WNT10A: variants seen among roughly 807,000 people sequenced by gnomAD.
The protein encoded by WNT10A is protein Wnt-10a.
In WNT10A, 37 loss-of-function variants were observed where a neutral mutation model predicts 36.1. The observed-to-expected ratio is 1.02, with a 90% CI of 0.79 to 1.35. The LOEUF (loss-of-function observed/expected upper bound fraction) is 1.35. Ranked by LOEUF, WNT10A falls within the 40% of genes most tolerant of loss-of-function variation. WNT10A has a pLI of 0.00. For missense variants in WNT10A, 613 were observed against 601.4 expected, an observed-to-expected ratio of 1.02 and a Z score of -0.20; for synonymous variants, 255 against 254.1, an observed-to-expected ratio of 1.00 and a Z score of -0.03.
intron 2 of WNT10A, among the ~76,000 whole-genome samples, chr2:218,883,229 C>A (rs1944538189): frequency 6.6e-6 from 1 of 152,112 alleles, no homozygotes; most frequent in South Asian, 2.1e-4. Context: ...GGGGGCCCTG[C>A]CTCTGGGATG....
chr2:218,881,512 G>C (rs987726023), intron 1 of WNT10A, among the ~76,000 whole-genome samples: 1 of 151,754 alleles, frequency 6.6e-6, no homozygotes, highest in African/African-American at 2.4e-5. Context: ...GCCCAGGTGG[G>C]GTCAGTGAGA....
chr2:218,878,393 C>CT (rs1311570722), upstream of WNT10A, among the ~76,000 whole-genome samples: 3 of 152,130 alleles, frequency 2.0e-5, no homozygotes, highest in Admixed American at 1.3e-4. This position sits in a 1 kb window ranked among gnomAD's most constrained non-coding sequence, Gnocchi z 4.1. Flanking sequence ...CCTCCGGAGG[C>CT]TTTTTTGTTT....
chr2:218,879,491 G>T (rs534172263), upstream of WNT10A, among the ~76,000 whole-genome samples: 1 of 152,342 alleles, frequency 6.6e-6, no homozygotes, highest in African/African-American at 2.4e-5. Context: ...CTGCCCTCTG[G>T]CTCTCAGGCC....
chr2:218,874,840 T>C, the WNT10A span, among the ~76,000 whole-genome samples: 3 of 152,214 alleles, frequency 2.0e-5, no homozygotes, highest in South Asian at 6.2e-4. Flanking sequence ...ACAAAGGGAT[T>C]TCGCTCTGTT....
chr2:218,890,176 A>T lies in WNT10A; in HGVS notation c.569A>T (p.His190Leu), dbSNP rs766421951. Residue 190 changes from histidine (H) to leucine (L), a missense_variant, in exon 3 of 4, where the codon CAT becomes CTT. Coordinates refer to ENST00000258411, the MANE Select transcript of WNT10A (RefSeq NM_025216.3). ...CTGCAGCGTGGTAAGGGCCTGAGCC[A>T]TGGGGTCCCGGAACACCCAGCCCTG... ...DALQRGKGLS[H>L]GVPEHPALPT... The T allele has an allele frequency of 6.2e-7, 1 of 1,613,974 alleles. No homozygotes were observed. Among genetic ancestry groups the T allele is most frequent in the Non-Finnish European group, 8.5e-7 (1 of 1,180,006 alleles).
intron 2 of WNT10A, among the ~76,000 whole-genome samples, chr2:218,883,182 T>C (rs1164904608): frequency 2.0e-5 from 3 of 152,176 alleles, no homozygotes; most frequent in African/African-American, 4.8e-5. Context: ...ACCCACCTCC[T>C]GGCCTGGTAT....
intron 1 of WNT10A, among the ~76,000 whole-genome samples, chr2:218,881,758 G>A (rs780822230): frequency 5.3e-5 from 8 of 152,186 alleles, no homozygotes; most frequent in Non-Finnish European, 1.2e-4. Flanking sequence ...GTGTGCTGGG[G>A]TTGGGTTTGT....
intron 1 of WNT10A, among the ~76,000 whole-genome samples, chr2:218,881,570 T>TGTGTGTGTGTG (rs1205089452): frequency 1.8e-3 from 247 of 139,352 alleles, no homozygotes; most frequent in African/African-American, 6.6e-3. Flanking sequence ...GTGTGTGTGT[T>TGTGTGTGTGTG]TTCAATCGAG....
chr2:218,877,935 G>A (rs1233554104), upstream of WNT10A, among the ~76,000 whole-genome samples: 3 of 152,104 alleles, frequency 2.0e-5, no homozygotes, highest in South Asian at 2.1e-4. The surrounding 1 kb of genome is among the most constrained non-coding windows in gnomAD (Gnocchi z 4.1). Context: ...ACTGGGCTAG[G>A]CTGGGGCTGT....
At chr2:218,880,135 A>G (rs1944491975), upstream of WNT10A, among the ~76,000 whole-genome samples, 1 of 152,116 alleles carries the variant, frequency 6.6e-6, no homozygotes, top group African/African-American at 2.4e-5. The surrounding 1 kb of genome is among the most constrained non-coding windows in gnomAD (Gnocchi z 7.7). Context: ...GGCCTGGGGG[A>G]AGTCCCTCCT....
At position 218,881,090 on chromosome 2, in the gene WNT10A, T is replaced by A; in HGVS notation, c.95T>A (p.Leu32Gln). 2 of 1,601,944 alleles carry A rather than the reference T, an allele frequency of 1.2e-6. No homozygotes were observed. Among genetic ancestry groups the A allele is most frequent in the South Asian group, 1.1e-5 (1 of 88,916 alleles). ...LWVLLFFLLL[L>Q]AAAMPRSAPN... ...GTGCTCCTGTTCTTCCTACTGCTGC[T>A]GGCTGCTGCCATGCCCAGGTGAGCC... Residue 32 changes from leucine to glutamine, a missense_variant, in exon 1 of 4, where the codon CTG becomes CAG. Leu to Gln is a moderately radical substitution (Grantham distance 113). Coordinates refer to ENST00000258411, the MANE Select transcript of WNT10A (RefSeq NM_025216.3).
chr2:218,886,567 C>T (rs558072182), intron 2 of WNT10A, among the ~76,000 whole-genome samples: 17 of 152,310 alleles, frequency 1.1e-4, no homozygotes, highest in African/African-American at 3.4e-4. Context: ...TAGATGCTGG[C>T]AGTCCCTGTC....
At position 218,892,875 on chromosome 2, in the gene WNT10A, G is replaced by T; in HGVS notation, c.858G>T (p.Val286=). Residue 286 remains valine, a synonymous_variant, in exon 4 of 4, where the codon GTG becomes GTT. Transcript: ENST00000258411. ...AGGTGACGCCCGAGTTCCGCACCGT[G>T]GGGGCGCTGCTGCGCAGCCGCTTCC... ...CWQVTPEFRT[V]GALLRSRFHR... is the part of the protein sequence containing the mutation. 6.3e-7 allele frequency: 1 copy of T among 1,575,242 alleles called. No individual in the cohort carries two copies. Among genetic ancestry groups the T allele is most frequent in the Admixed American group, 1.8e-5 (1 of 55,650 alleles).
chr2:218,888,570 G>C (rs567471147), intron 2 of WNT10A, among the ~76,000 whole-genome samples: 1 of 152,304 alleles, frequency 6.6e-6, no homozygotes, highest in South Asian at 2.1e-4. Context: ...TCCCTCTAGC[G>C]TACCTCCAAC....
chr2:218,882,101 T>C, intron 1 of WNT10A, 60 bp from the exon 2 acceptor site: 1 of 1,577,484 alleles, frequency 6.3e-7, no homozygotes, highest in Non-Finnish European at 8.6e-7. Flanking sequence ...TGTGTGTTGT[T>C]AGATGGGGCT....
chr2:218,892,323 AC>A (rs1944662243), intron 3 of WNT10A, among the ~76,000 whole-genome samples: 1 of 146,256 alleles, frequency 6.8e-6, no homozygotes, highest in Non-Finnish European at 1.5e-5. Flanking sequence ...ACACACACAC[AC>A]ACACACACAC....
intron 3 of WNT10A, among the ~76,000 whole-genome samples, 187 bp from the exon 4 acceptor site, chr2:218,892,587 G>C (rs991264862): frequency 6.6e-6 from 1 of 152,170 alleles, no homozygotes; most frequent in Non-Finnish European, 1.5e-5. Context: ...GGGTGGGAGA[G>C]GCAGAGGCAG....
intron 2 of WNT10A, among the ~76,000 whole-genome samples, chr2:218,884,674 G>A (rs1035877568): frequency 6.6e-6 from 1 of 152,210 alleles, no homozygotes; most frequent in African/African-American, 2.4e-5. Context: ...CTGGGGGGCA[G>A]TCATTTCCCA....
intron 2 of WNT10A, among the ~76,000 whole-genome samples, chr2:218,884,799 A>G (rs1371954904): frequency 1.3e-5 from 2 of 152,018 alleles, no homozygotes; most frequent in African/African-American, 4.8e-5. Context: ...CTTTCTTTCC[A>G]AGTTATGGAT....
Sources: gnomAD v4.1 joint callset for allele counts (sites outside exome capture counted in the v4.1 genomes callset) on GRCh38, gnomAD v4.1.1 for gene constraint, Gnocchi (gnomAD v3.1) non-coding constraint, MANE v1.5 for transcripts, NCBI Gene and HGNC (gene_info 2026-07-23, HGNC 2026-07-21) for gene names.